Variants in NECAB2 observed in about 807,000 individuals in gnomAD.
NECAB2 encodes the protein N-terminal EF-hand calcium-binding protein 2.
A neutral mutation model predicts 51.9 loss-of-function variants in NECAB2; 68 were observed. That is an observed-to-expected ratio of 1.31 (90% confidence interval 1.08 to 1.60). The LOEUF is 1.60. Ranked by LOEUF, NECAB2 falls within the 40% of genes most tolerant of loss-of-function variation. The pLI, the probability that NECAB2 is intolerant of heterozygous loss-of-function variation, is 0.00. For missense variants in NECAB2, 854 were observed against 490.3 expected (o/e 1.74, Z -7.00); for synonymous variants, 329 against 203.5 (o/e 1.62, Z -5.25).
intron 10 of NECAB2, among the ~76,000 whole-genome samples, chr16:83,998,648 C>T (rs894278645): frequency 1.3e-5 from 2 of 152,186 alleles, no homozygotes; most frequent in African/African-American, 4.8e-5. Context: ...CCTGGTGTGC[C>T]CCGTGCGCTC....
chr16:83,994,503 G>C (rs560138093), intron 7 of NECAB2, 83 bp downstream of exon 7: 6 of 1,593,242 alleles, frequency 3.8e-6, no homozygotes, highest in South Asian at 3.3e-5. Context: ...GGACTGGGGA[G>C]ATGAGCAAGT....
At chr16:83,986,934 A>G (rs140226053) in intron 5 of NECAB2, among the ~76,000 whole-genome samples, 3,925 of 152,266 alleles carry the variant, frequency 0.026, 80 homozygotes, top group African/African-American at 0.054. Flanking sequence ...CGTAGGTACA[A>G]TGTTCAATAT....
At position 83,998,244 on chromosome 16, in the gene NECAB2, G is replaced by C. The variant is rs147666898; in HGVS notation, c.889G>C (p.Glu297Gln). The change falls in exon 10 of 13, where the codon GAG becomes CAG. Residue 297 changes from glutamate (E) to glutamine (Q), a missense_variant. Physicochemically the swap from Glu to Gln is conservative, Grantham distance 29. Transcript: ENST00000305202. ...CCGGCAGGAGATGGCCGTGTGCCCC[G>C]AGCAACTGAGCGAGTTTCTGGACTC... ...LVRQEMAVCP[E>Q]QLSEFLDSLR... is the part of the protein sequence containing the mutation. 1 of 1,612,414 alleles carries C rather than the reference G, an allele frequency of 6.2e-7. No individual in the cohort carries two copies. Among genetic ancestry groups the C allele is most frequent in the East Asian group, 2.2e-5 (1 of 44,874 alleles).
rs34647179 is a variant in NECAB2 at position 84,001,715 on chromosome 16, G to T, written c.1041-110G>T. 5 of 1,161,680 alleles carry T rather than the reference G, an allele frequency of 4.3e-6. No individual in the cohort carries two copies. The Admixed American group carries it at 5.9e-5, about 14-fold the overall frequency. The allele number at this position is 1,161,680 out of a possible 1,614,324, so 72.0% of individuals were successfully genotyped here. ...AAGGCTCTGAGTCCAAAGACCCCCC[G>T]TGCTTATTGATAAGCTCCCCATTTT... is the stretch of plus-strand genomic sequence containing the variant. On this transcript the variant is annotated intron_variant, in intron 11 of 12. Coordinates refer to ENST00000305202, the MANE Select transcript of NECAB2 (RefSeq NM_019065.3).
At chr16:83,981,167 GT>G in intron 5 of NECAB2, 40 bp downstream of exon 5, 9 of 1,557,044 alleles carry the variant, frequency 5.8e-6, no homozygotes, top group Non-Finnish European at 7.1e-6. Context: ...CAGGGCTCCA[GT>G]GCTGCTTCAG....
At chr16:84,002,086 G>C (rs935771816) in intron 12 of NECAB2, among the ~76,000 whole-genome samples, 170 bp downstream of exon 12, 2 of 152,138 alleles carry the variant, frequency 1.3e-5, no homozygotes, top group Non-Finnish European at 2.9e-5. Flanking sequence ...CCCACATACA[G>C]GTATGCCTGC....
At chr16:83,999,326 A>T (rs1430838792) in intron 10 of NECAB2, among the ~76,000 whole-genome samples, 1 of 152,086 alleles carries the variant, frequency 6.6e-6, no homozygotes, top group East Asian at 1.9e-4. Context: ...CAGGGGCCAG[A>T]CTTGATCTTT....
chr16:83,974,656 C>A (rs183521136), intron 2 of NECAB2, among the ~76,000 whole-genome samples: 1 of 152,194 alleles, frequency 6.6e-6, no homozygotes, highest in Admixed American at 6.5e-5. Flanking sequence ...GGAGATGGCA[C>A]GTGATATTCT....
chr16:83,994,424 A>C lies in NECAB2; in HGVS notation c.715+4A>C. ...CAAGGCAAGACCCTTCCATCTGGTG[A>C]GAGAAAGCGGGGGCCCTGGTGGGGG... is the stretch of plus-strand genomic sequence containing the variant. On this transcript the variant is annotated splice_donor_region_variant and intron_variant, in intron 7 of 12. Transcript: ENST00000305202. 1 of 1,613,906 alleles carries C rather than the reference A, an allele frequency of 6.2e-7. No individual in the cohort carries two copies. The highest frequency in any genetic ancestry group is 8.5e-7 in the Non-Finnish European group (1 of 1,179,796).
At chr16:83,965,629 C>T, upstream of NECAB2, 1 of 1,613,256 alleles carries the variant, frequency 6.2e-7, no homozygotes, top group African/African-American at 1.3e-5. Context: ...TCCTGTCGCC[C>T]AGCCCCTATG....
chr16:83,994,337 A>T lies in NECAB2; in HGVS notation c.632A>T (p.Gln211Leu), dbSNP rs370429871. The T allele has an allele frequency of 6.2e-7, 1 of 1,614,210 alleles. No homozygotes were observed. The highest frequency in any genetic ancestry group is 1.3e-5 in the African/African-American group (1 of 75,040). ...NHIKPSHSAA[Q>L]TWCGSPTPAS... The stretch of plus-strand genomic sequence containing the variant: ...ATCAAACCCAGCCACAGCGCGGCAC[A>T]GACCTGGTGTGGAAGCCCCACTCCC... The change falls in exon 7 of 13, where the codon CAG (glutamine) becomes CTG (leucine). Residue 211 changes from glutamine to leucine, a missense_variant. Coordinates refer to ENST00000305202, the MANE Select transcript of NECAB2 (RefSeq NM_019065.3).
chr16:83,994,262 C>T (rs11862674), intron 6 of NECAB2, 40 bp from the exon 7 acceptor site: 9 of 1,594,874 alleles, frequency 5.6e-6, no homozygotes, highest in South Asian at 1.1e-5. Context: ...GGCCCTGAAG[C>T]CACCGCCATG....
chr16:84,000,900 A>ATTGGAGGGGAGG, intron 11 of NECAB2, 99 bp downstream of exon 11: 2 of 1,203,348 alleles, frequency 1.7e-6, no homozygotes, highest in Non-Finnish European at 2.4e-6. Flanking sequence ...GGTAAGGCCG[A>ATTGGAGGGGAGG]GTCCAGTCAG....
intron 3 of NECAB2, among the ~76,000 whole-genome samples, chr16:83,979,383 G>C (rs143942802): frequency 6.6e-6 from 1 of 152,232 alleles, no homozygotes; most frequent in Non-Finnish European, 1.5e-5. Flanking sequence ...CACCAAACCA[G>C]TGTGCAAGGG....
chr16:83,999,663 A>G (rs1270926071), intron 10 of NECAB2, among the ~76,000 whole-genome samples: 1 of 151,958 alleles, frequency 6.6e-6, no homozygotes, highest in African/African-American at 2.4e-5. Context: ...GGCGGCATAG[A>G]CTATCAGCAC....
At chr16:83,996,977 C>T (rs973262540) in intron 8 of NECAB2, among the ~76,000 whole-genome samples, 1 of 150,808 alleles carries the variant, frequency 6.6e-6, no homozygotes, top group Non-Finnish European at 1.5e-5. Flanking sequence ...ATCTTGGACT[C>T]AGGCCTCTGG....
chr16:83,980,702 C>T (rs2084475811), intron 3 of NECAB2, 137 bp from the exon 4 acceptor site: 1 of 1,210,604 alleles, frequency 8.3e-7, no homozygotes, highest in African/African-American at 1.5e-5. Flanking sequence ...GCACCCTCTT[C>T]TGTAAGGCGG....
At chr16:83,999,377 G>A (rs1459709285) in intron 10 of NECAB2, among the ~76,000 whole-genome samples, 2 of 152,180 alleles carry the variant, frequency 1.3e-5, no homozygotes, top group African/African-American at 4.8e-5. Context: ...GGGTGAAGTA[G>A]GGCCACCCCG....
chr16:83,996,778 G>C (rs1037515262), intron 8 of NECAB2, among the ~76,000 whole-genome samples: 2 of 152,148 alleles, frequency 1.3e-5, no homozygotes, highest in East Asian at 1.9e-4. Flanking sequence ...ACTTACAGTG[G>C]GGCAGCACCT....
Sources: allele counts gnomAD v4.1 joint callset (sites outside exome capture counted in the v4.1 genomes callset), GRCh38; gene constraint gnomAD v4.1.1; transcripts MANE v1.5; gene names NCBI Gene and HGNC (gene_info 2026-07-23, HGNC 2026-07-21).